PLEKHA2: variants seen among roughly 807,000 people sequenced by gnomAD.
PLEKHA2 encodes pleckstrin homology domain containing A2.
In PLEKHA2, 28 loss-of-function variants were observed where a neutral mutation model predicts 53.2. That is an observed-to-expected ratio of 0.53 (90% CI 0.39 to 0.72). The LOEUF is 0.72. PLEKHA2 is among the 30% of genes least tolerant of loss of function. PLEKHA2 has a pLI of 0.00. For missense variants in PLEKHA2, 426 were observed against 537.9 expected, an observed-to-expected ratio of 0.79 and a Z score of 2.06; for synonymous variants, 193 against 196.4, an observed-to-expected ratio of 0.98 and a Z score of 0.14.
intron 1 of PLEKHA2, among the ~76,000 whole-genome samples, chr8:38,912,910 T>C (rs951614281): frequency 6.6e-6 from 1 of 152,168 alleles, no homozygotes; most frequent in African/African-American, 2.4e-5. Context: ...TGAGCAGCTG[T>C]TTTTTTCTAG....
At chr8:38,950,390 T>C (rs1024991085) in intron 5 of PLEKHA2, among the ~76,000 whole-genome samples, 1 of 152,216 alleles carries the variant, frequency 6.6e-6, no homozygotes, top group Non-Finnish European at 1.5e-5. Flanking sequence ...CCTTCTCCTC[T>C]AGAGACCTCC....
At chr8:38,948,294 A>G (rs1021624544) in intron 5 of PLEKHA2, among the ~76,000 whole-genome samples, 3 of 152,200 alleles carry the variant, frequency 2.0e-5, no homozygotes, top group Non-Finnish European at 4.4e-5. Flanking sequence ...CGTGACATGC[A>G]GCAACAAGGA....
chr8:38,947,701 A>C (rs563136121), intron 5 of PLEKHA2, among the ~76,000 whole-genome samples: 2 of 152,342 alleles, frequency 1.3e-5, no homozygotes, highest in African/African-American at 2.4e-5. Context: ...ACACCGGAGC[A>C]TAAGCACTGA....
intron 4 of PLEKHA2, among the ~76,000 whole-genome samples, chr8:38,944,488 C>T (rs925293936): frequency 3.4e-5 from 5 of 146,744 alleles, no homozygotes; most frequent in African/African-American, 1.0e-4. Context: ...TTGCACTCTA[C>T]TCCACCTCAA....
At chr8:38,968,774 G>C in intron 11 of PLEKHA2, 105 bp downstream of exon 11, 1 of 1,045,788 alleles carries the variant, frequency 9.6e-7, no homozygotes, top group East Asian at 2.5e-5. Flanking sequence ...GTCCCGAGGT[G>C]CAGCTGAAGC....
chr8:38,920,734 T>G (rs747721417), intron 2 of PLEKHA2, among the ~76,000 whole-genome samples: 1 of 152,008 alleles, frequency 6.6e-6, no homozygotes, highest in Admixed American at 6.5e-5. Context: ...CTAATTATTT[T>G]TATTTTTTGT....
chr8:38,963,068 G>C (rs557729407), intron 10 of PLEKHA2, among the ~76,000 whole-genome samples: 6 of 152,178 alleles, frequency 3.9e-5, no homozygotes, highest in Non-Finnish European at 8.8e-5. Flanking sequence ...AAGCCTTTAT[G>C]GCCTCTAGAA....
chr8:38,904,043 G>A (rs1343793934), intron 1 of PLEKHA2, among the ~76,000 whole-genome samples: 1 of 152,200 alleles, frequency 6.6e-6, no homozygotes, highest in African/African-American at 2.4e-5. Context: ...GGGAAGAGAA[G>A]AACCCTGGCC....
chr8:38,942,428 C>T (rs1376430845), intron 3 of PLEKHA2, among the ~76,000 whole-genome samples: 2 of 152,060 alleles, frequency 1.3e-5, no homozygotes, highest in Admixed American at 6.6e-5. Flanking sequence ...GATCCTCCAG[C>T]TTCCTGTCTC....
chr8:38,946,485 T>C (rs1327586916), intron 5 of PLEKHA2, among the ~76,000 whole-genome samples: 2 of 152,210 alleles, frequency 1.3e-5, no homozygotes, highest in Non-Finnish European at 1.5e-5. Context: ...CAGTCATGTT[T>C]CGGGTGATTC....
At chr8:38,909,133 ACT>A (rs1347977762) in intron 1 of PLEKHA2, among the ~76,000 whole-genome samples, 2 of 146,156 alleles carry the variant, frequency 1.4e-5, no homozygotes, top group African/African-American at 2.5e-5. Flanking sequence ...ACAGAGCGAG[ACT>A]CTGTCTCAAA....
intron 6 of PLEKHA2, 31 bp from the exon 7 acceptor site, chr8:38,952,135 A>G: frequency 6.3e-7 from 1 of 1,599,272 alleles, no homozygotes; most frequent in Non-Finnish European, 8.5e-7. Context: ...AGAGGGAGGG[A>G]GGCGCTGATA....
At chr8:38,904,792 G>A (rs1253819457) in intron 1 of PLEKHA2, among the ~76,000 whole-genome samples, 2 of 152,192 alleles carry the variant, frequency 1.3e-5, no homozygotes, top group East Asian at 1.9e-4. Flanking sequence ...ATGGAGGTGC[G>A]CATGCAGCAG....
intron 1 of PLEKHA2, among the ~76,000 whole-genome samples, chr8:38,905,003 A>G (rs1274171507): frequency 6.6e-6 from 1 of 152,202 alleles, no homozygotes. Context: ...AGATTAGGAA[A>G]TAGACCCTGA....
At chr8:38,923,514 G>C (rs879445916) in intron 2 of PLEKHA2, among the ~76,000 whole-genome samples, 1 of 152,118 alleles carries the variant, frequency 6.6e-6, no homozygotes, top group Non-Finnish European at 1.5e-5. Flanking sequence ...GCCTGTAGGT[G>C]ATCCTTACGT....
In PLEKHA2 at chr8:38,917,767, G is replaced by T. The variant is rs145268910; in HGVS notation, c.-23-140G>T. 111 of 922,734 alleles carry T rather than the reference G, an allele frequency of 1.2e-4. No homozygotes were observed. The East Asian group carries it at 2.9e-3, about 24-fold the overall frequency. 57.2% of individuals were successfully genotyped at this position (922,734 alleles called of 1,614,324 possible). A position where few individuals can be genotyped will look rare whatever the true frequency, so the allele number is the denominator to read the frequency against. ...GCTTAACATTGGGAGAGGTTTCCAG[G>T]GTCTGGGATGGAACATTTGGTGCCC... is the stretch of plus-strand genomic sequence containing the variant. On this transcript the variant is annotated intron_variant, in intron 1 of 11. Transcript: ENST00000617275.
intron 2 of PLEKHA2, among the ~76,000 whole-genome samples, chr8:38,932,255 C>G (rs1834407404): frequency 6.6e-6 from 1 of 152,202 alleles, no homozygotes; most frequent in Non-Finnish European, 1.5e-5. Context: ...CTCAGCCTCC[C>G]CAGGTGTTGG....
chr8:38,930,872 C>G (rs1468516169), intron 2 of PLEKHA2, among the ~76,000 whole-genome samples: 1 of 152,226 alleles, frequency 6.6e-6, no homozygotes, highest in Non-Finnish European at 1.5e-5. Context: ...TGACCTCCAA[C>G]CTGGAAGCAC....
In PLEKHA2 at chr8:38,952,534, G is replaced by A. The variant is rs114381450; in HGVS notation, c.634-102G>A. 2.5e-3 allele frequency: 3,510 copies of A among 1,390,662 alleles called. 79 individuals are homozygous for A. In the African/African-American group the frequency reaches 0.044, roughly 17 times the overall value. The allele number at this position is 1,390,662 out of a possible 1,614,324, so 86.1% of individuals were successfully genotyped here. On this transcript the variant is annotated intron_variant, in intron 7 of 11. Coordinates refer to ENST00000617275, the MANE Select transcript of PLEKHA2 (RefSeq NM_021623.2). The stretch of plus-strand genomic sequence containing the variant: ...CTTGCCCCTGCTGAATGTGGGAGCC[G>A]GACTTCCATGGGGCTGGGTCCTTGG...
Sources: gnomAD v4.1 joint callset for allele counts (sites outside exome capture counted in the v4.1 genomes callset) on GRCh38, gnomAD v4.1.1 for gene constraint, MANE v1.5 for transcripts, NCBI Gene and HGNC (gene_info 2026-07-23, HGNC 2026-07-21) for gene names.